The following TANC1 variants were observed in gnomAD, a reference collection of about 807,000 sequenced individuals.
The protein encoded by TANC1 is protein TANC1.
In TANC1, 77 loss-of-function variants were observed where a neutral mutation model predicts 149.7. The ratio of observed to expected loss-of-function variants is 0.51; its 90% CI spans 0.43 to 0.62. The LOEUF is 0.62. Among genes scored for constraint, TANC1 ranks in the 20% least tolerant of loss-of-function variants. The probability of loss-of-function intolerance (pLI) is 0.00; values close to 1 mark genes in which losing one functional copy is unlikely to be tolerated. For missense variants in TANC1, 1,985 were observed against 2,321.8 expected, an observed-to-expected ratio of 0.85 and a Z score of 2.98; for synonymous variants, 854 against 925.0, an observed-to-expected ratio of 0.92 and a Z score of 1.39.
At chr2:159,091,187 C>T (rs1032337267) in intron 3 of TANC1, among the ~76,000 whole-genome samples, 12 of 152,246 alleles carry the variant, frequency 7.9e-5, no homozygotes, top group African/African-American at 2.6e-4. Flanking sequence ...AGACAGTGGA[C>T]TCTGGATCCC....
At chr2:159,088,760 A>G (rs921895634) in intron 3 of TANC1, among the ~76,000 whole-genome samples, 3 of 152,136 alleles carry the variant, frequency 2.0e-5, no homozygotes, top group Admixed American at 6.5e-5. Context: ...TCTTCTTCCA[A>G]TGTGGCCCAA....
intron 23 of TANC1, 193 bp downstream of exon 23, chr2:159,224,557 G>A (rs1172614584): frequency 9.2e-6 from 6 of 653,956 alleles, no homozygotes; most frequent in African/African-American, 5.4e-5. Context: ...TGCGGGGAGG[G>A]TGTGGAAAGC....
At chr2:159,136,033 TGTGTGTGTGTGTGTGTGCGC>T (rs1261352641) in intron 4 of TANC1, among the ~76,000 whole-genome samples, 141 bp from the exon 5 acceptor site, 8 of 61,324 alleles carry the variant, frequency 1.3e-4, no homozygotes, top group South Asian at 4.0e-4. Flanking sequence ...TGTGTGTGTG[TGTGTGTGTGTGTGTGTGCGC>T]GCGCGCGCGT....
At chr2:159,031,216 A>T (rs2039754183) in intron 2 of TANC1, among the ~76,000 whole-genome samples, 1 of 152,256 alleles carries the variant, frequency 6.6e-6, no homozygotes. Context: ...AGAGCAACTT[A>T]GCCAGAGCTA....
intron 3 of TANC1, among the ~76,000 whole-genome samples, chr2:159,090,798 G>T (rs918298488): frequency 1.3e-5 from 2 of 152,216 alleles, no homozygotes; most frequent in Non-Finnish European, 2.9e-5. Flanking sequence ...AATGCTGCAA[G>T]AGTTAATAAA....
At chr2:159,215,707 C>T (rs906812864) in intron 19 of TANC1, among the ~76,000 whole-genome samples, 26 of 152,324 alleles carry the variant, frequency 1.7e-4, no homozygotes, top group South Asian at 1.0e-3. Flanking sequence ...GACCCTCTCC[C>T]GAGATGGCTG....
At chr2:158,975,957 C>T (rs2033614016) in intron 1 of TANC1, among the ~76,000 whole-genome samples, 2 of 151,820 alleles carry the variant, frequency 1.3e-5, no homozygotes, top group Non-Finnish European at 2.9e-5. Flanking sequence ...CCTCAGCCTC[C>T]CAAATAGCTG....
At chr2:159,219,648 T>C (rs2059564894) in intron 21 of TANC1, 44 bp from the exon 22 acceptor site, 2 of 1,611,762 alleles carry the variant, frequency 1.2e-6, no homozygotes, top group East Asian at 4.5e-5. Flanking sequence ...TCTGGCTTTG[T>C]CATCTCATAA....
chr2:158,968,882 G>C (rs985284847), intron 1 of TANC1, 100 bp downstream of exon 1: 2 of 152,578 alleles, frequency 1.3e-5, no homozygotes, highest in Admixed American at 1.3e-4. Flanking sequence ...GGGGTGGAGA[G>C]GGTGATGGGA....
At chr2:159,056,800 G>T in intron 2 of TANC1, 2 of 344,450 alleles carry the variant, frequency 5.8e-6, no homozygotes, top group Admixed American at 2.7e-5. Context: ...ATGAAGTTGG[G>T]CAGATTAGGA....
At chr2:158,984,834 T>C (rs1719078) in intron 1 of TANC1, among the ~76,000 whole-genome samples, 68,508 of 151,984 alleles carry the variant, frequency 0.45, 16,241 homozygotes, top group African/African-American at 0.59. Context: ...AAACACAAGT[T>C]GTGTTTGGGG....
In TANC1 at chr2:159,178,827, G is replaced by T; in HGVS notation, c.2174G>T (p.Ser725Ile). ...GGCCACTTGGTCATTAAGAGTGCCA[G>T]CTACAAGGTGGTGCCCGTGTCTCTC... ...QRGHLVIKSA[S>I]YKVVPVSLSE... Residue 725 changes from serine to isoleucine, a missense_variant, in exon 14 of 27, where the codon AGC becomes ATC. By Grantham distance (142) the Ser-to-Ile change is moderately radical. Transcript: ENST00000263635. 6.2e-7 allele frequency: 1 copy of T among 1,614,220 alleles called. No individual in the cohort carries two copies. The highest frequency in any genetic ancestry group is 1.1e-5 in the South Asian group (1 of 91,080).
intron 1 of TANC1, among the ~76,000 whole-genome samples, chr2:158,975,650 C>T (rs922976954): frequency 5.3e-5 from 8 of 149,570 alleles, no homozygotes; most frequent in Admixed American, 1.3e-4. Context: ...TGCCCAGGCT[C>T]GTCTCGAACT....
intron 1 of TANC1, among the ~76,000 whole-genome samples, chr2:158,980,992 C>T (rs945781411): frequency 2.0e-5 from 3 of 152,052 alleles, no homozygotes; most frequent in African/African-American, 4.8e-5. Flanking sequence ...TTTCCTGTGG[C>T]GGTGTTTACC....
At chr2:158,995,493 A>G (rs868659156) in intron 1 of TANC1, among the ~76,000 whole-genome samples, 3 of 152,178 alleles carry the variant, frequency 2.0e-5, no homozygotes, top group Admixed American at 6.5e-5. Context: ...CCATTAGGCA[A>G]TCCTTTCCCT....
At chr2:159,203,944 C>A (rs2058430261) in intron 19 of TANC1, among the ~76,000 whole-genome samples, 1 of 152,224 alleles carries the variant, frequency 6.6e-6, no homozygotes, top group African/African-American at 2.4e-5. Context: ...TGGCAACCGT[C>A]CGTTCTAGTG....
rs1306176162 is a variant in TANC1 at position 159,148,987 on chromosome 2, T to C, written c.365-155T>C. ...CTGTCACAGTCCCTTAATTAGAATG[T>C]ATTGCTAGAGGACAGGGTGCGTTGT... On this transcript the variant is annotated intron_variant, in intron 5 of 26. Transcript: ENST00000263635. The C allele has an allele frequency of 3.9e-6, 3 of 778,404 alleles. No homozygotes were observed. In the African/African-American group the frequency reaches 5.2e-5, roughly 14 times the overall value. 48.2% of individuals were successfully genotyped at this position (778,404 alleles called of 1,614,324 possible). A position where few individuals can be genotyped will look rare whatever the true frequency, so the allele number is the denominator to read the frequency against.
chr2:159,130,071 G>A (rs962058761), intron 4 of TANC1, among the ~76,000 whole-genome samples: 6 of 152,222 alleles, frequency 3.9e-5, no homozygotes, highest in African/African-American at 1.4e-4. Context: ...GCCCAGCCCT[G>A]GAGACATGCC....
chr2:158,974,082 T>C (rs2033295692), intron 1 of TANC1, among the ~76,000 whole-genome samples: 1 of 152,210 alleles, frequency 6.6e-6, no homozygotes, highest in Non-Finnish European at 1.5e-5. Context: ...TTCTTTCTTC[T>C]CCTGTTGTCC....
Sources: gnomAD v4.1 joint callset for allele counts (sites outside exome capture counted in the v4.1 genomes callset) on GRCh38, gnomAD v4.1.1 for gene constraint, MANE v1.5 for transcripts, NCBI Gene and HGNC (gene_info 2026-07-23, HGNC 2026-07-21) for gene names.